Variants in PSG6 observed in about 807,000 individuals in gnomAD.
The protein encoded by PSG6 is pregnancy-specific beta-1-glycoprotein 6.
In PSG6, 51 loss-of-function variants were observed where a neutral mutation model predicts 43.3. The observed-to-expected ratio is 1.18, with a 90% CI of 0.94 to 1.49. The LOEUF is 1.49. Ranked by LOEUF, PSG6 falls within the 40% of genes most tolerant of loss-of-function variation. The probability of loss-of-function intolerance (pLI) is 0.00; values close to 1 mark genes in which losing one functional copy is unlikely to be tolerated. For synonymous variants in PSG6, 292 were observed against 197.6 expected, an observed-to-expected ratio of 1.48 and a Z score of -4.01; for missense variants, 770 against 522.2, an observed-to-expected ratio of 1.47 and a Z score of -4.62.
intron 2 of PSG6, among the ~76,000 whole-genome samples, chr19:42,912,789 C>G (rs183290458): frequency 6.6e-6 from 1 of 151,572 alleles, no homozygotes; most frequent in Non-Finnish European, 1.5e-5. Flanking sequence ...TCTCCCCACA[C>G]GAAGAACTCC....
intron 1 of PSG6, among the ~76,000 whole-genome samples, chr19:42,917,144 T>C (rs1209811465): frequency 1.3e-5 from 2 of 151,294 alleles, no homozygotes; most frequent in African/African-American, 4.9e-5. Context: ...ACATTTTTAT[T>C]TGAGGTGTCA....
chr19:42,915,716 T>G, intron 2 of PSG6: 5 of 267,104 alleles, frequency 1.9e-5, no homozygotes, highest in Non-Finnish European at 3.5e-5. Context: ...GGAGCAAGGA[T>G]TTAGGGACAG....
intron 5 of PSG6, chr19:42,903,551 G>A: frequency 1.5e-6 from 2 of 1,358,706 alleles, no homozygotes; most frequent in Non-Finnish European, 1.9e-6. Flanking sequence ...CCATTAACTA[G>A]ATTGGCTAAG....
intron 4 of PSG6, 129 bp downstream of exon 4, chr19:42,907,447 C>T: frequency 2.0e-6 from 3 of 1,528,340 alleles, no homozygotes; most frequent in Non-Finnish European, 2.6e-6. Flanking sequence ...GGCAGGGAGT[C>T]ATGGCCAGGT....
Position 42,910,935 on chromosome 19 carries a change from G to A in PSG6, c.428-77C>T, listed in dbSNP as rs1261576764. 8.5e-6 allele frequency: 13 copies of A among 1,533,384 alleles called. 1 individual carries two copies. The highest frequency in any genetic ancestry group is 2.3e-5 in the East Asian group (1 of 44,188). 95.0% of individuals were successfully genotyped at this position (1,533,384 alleles called of 1,614,324 possible). ...CAAAGGCATTTTTCAATCAGAGTTG[G>A]CATTTCCAACCTCTCAGCCCACCCA... On this transcript the variant is annotated intron_variant, in intron 2 of 5. Coordinates refer to ENST00000187910, the MANE Select transcript of PSG6 (RefSeq NM_001031850.4).
chr19:42,907,937 C>A (rs1972150479), intron 3 of PSG6, 83 bp from the exon 4 acceptor site: 2 of 1,552,356 alleles, frequency 1.3e-6, no homozygotes. Flanking sequence ...GCATCTCCCA[C>A]CTGTCAACCC....
chr19:42,915,466 C>T (rs113965366), intron 2 of PSG6: 4,395 of 153,600 alleles, frequency 0.029, 278 homozygotes, highest in African/African-American at 0.1. Context: ...TATGGAGTGT[C>T]CTAGGCCTCC....
chr19:42,907,272 C>G, intron 4 of PSG6, 96 bp from the exon 5 acceptor site: 1 of 1,528,640 alleles, frequency 6.5e-7, no homozygotes, highest in Non-Finnish European at 8.8e-7. Context: ...TGAACCAAGA[C>G]ACAACCTCAA....
chr19:42,910,451 C>G (rs1438111024), intron 3 of PSG6, 129 bp downstream of exon 3: 4 of 1,607,590 alleles, frequency 2.5e-6, no homozygotes, highest in Non-Finnish European at 3.4e-6. Flanking sequence ...AGCAGAAAGT[C>G]ATGGCCAGCT....
At position 42,916,850 on chromosome 19, in the gene PSG6, C is replaced by G. The variant is rs1259185075; in HGVS notation, c.65-363G>C. On this transcript the variant is annotated intron_variant, in intron 1 of 5. Coordinates refer to ENST00000187910, the MANE Select transcript of PSG6 (RefSeq NM_001031850.4). ...CTTTCCTGATGCCTGCTTCAGAGAC[C>G]CTGGGTCTTCCCTTTCTGACCTTTC... Among the ~76,000 whole-genome samples the G allele has an allele frequency of 1.3e-5, 2 of 151,444 alleles. 1 individual carries two copies. The highest frequency in any genetic ancestry group is 2.9e-5 in the Non-Finnish European group (2 of 67,846).
At chr19:42,909,053 T>C (rs568026316) in intron 3 of PSG6, among the ~76,000 whole-genome samples, 16 of 151,876 alleles carry the variant, frequency 1.1e-4, no homozygotes, top group African/African-American at 3.4e-4. Flanking sequence ...GGATTTCTGA[T>C]ATTTTTTGAT....
intron 5 of PSG6, among the ~76,000 whole-genome samples, chr19:42,906,244 A>G (rs1300333460): frequency 1.3e-5 from 2 of 151,546 alleles, no homozygotes; most frequent in Non-Finnish European, 2.9e-5. Context: ...CAGAGCCAGG[A>G]TGCAGCTCAG....
rs1204496330 is a variant in PSG6, at chr19:42,917,731, G to T, written c.62C>A (p.Thr21Lys). Residue 21 changes from threonine to lysine, a missense_variant and splice_region_variant, in exon 1 of 6, where the codon ACA becomes AAA. Thr to Lys is a moderately conservative substitution (Grantham distance 78). Transcript: ENST00000187910. ...CTCCCAGGAAGTCCTCTCCTCACCTGTGAGCAGGAGCCCCTTCCAGGTGAT... is the reference window on the plus strand; with the variant it reads ...CTCCCAGGAAGTCCTCTCCTCACCTTTGAGCAGGAGCCCCTTCCAGGTGAT... The part of the protein sequence containing the change: ...QHITWKGLLL[T>K]ASLLNFWNLP... 6.2e-7 allele frequency: 1 copy of T among 1,609,770 alleles called. No homozygotes were observed. The highest frequency in any genetic ancestry group is 8.5e-7 in the Non-Finnish European group (1 of 1,177,616).
At chr19:42,915,783 C>T in intron 2 of PSG6, 1 of 445,404 alleles carries the variant, frequency 2.2e-6, no homozygotes, top group Non-Finnish European at 3.9e-6. Flanking sequence ...TCAGTGGGCC[C>T]CTCAGGCCAA....
intron 3 of PSG6, chr19:42,909,561 C>A (rs1338928024): frequency 6.6e-6 from 1 of 151,598 alleles, no homozygotes; most frequent in African/African-American, 2.4e-5. Context: ...AATGTGTTTC[C>A]ATATATTGAT....
rs541602604 is a variant in PSG6, at chr19:42,906,840, C to A, written c.1240+82G>T. 3.6e-5 allele frequency: 58 copies of A among 1,608,974 alleles called. 2 individuals carry two copies. Among genetic ancestry groups the A allele is most frequent in the East Asian group, 2.9e-4 (13 of 44,706 alleles). ...GCCCATGGGACACAGTCTGGGAATA[C>A]AAATGTTTTCCTGACTCTTCTCTGA... On this transcript the variant is annotated intron_variant, in intron 5 of 5. Transcript: ENST00000187910.
chr19:42,916,333 C>T lies in PSG6; in HGVS notation c.219G>A (p.Thr73=), dbSNP rs144793616. Residue 73 remains threonine (T), a synonymous_variant, in exon 2 of 6, where the codon ACG becomes ACA. Transcript: ENST00000187910. ...TGYIWYKGQM[T]DLYHYITSYV... ...ATGATGTAATGTAATGGTAGAGGTC[C>T]GTCATTTGCCCTTTGTACCAGATGT... 160 of 1,612,018 alleles carry T rather than the reference C, an allele frequency of 9.9e-5. 2 individuals are homozygous for T. In the African/African-American group the frequency reaches 1.3e-3, roughly 13 times the overall value.
intron 5 of PSG6, chr19:42,906,507 GA>G: frequency 1.6e-6 from 2 of 1,241,586 alleles, no homozygotes; most frequent in Non-Finnish European, 1.0e-6. Context: ...TCATTTGGGG[GA>G]AAAGTGTGAG....
intron 2 of PSG6, chr19:42,915,924 C>A: frequency 1.3e-6 from 1 of 790,854 alleles, no homozygotes; most frequent in Non-Finnish European, 1.9e-6. Flanking sequence ...CGAGTGTCTG[C>A]AGGGTCTGGA....
Sources: allele counts gnomAD v4.1 joint callset (sites outside exome capture counted in the v4.1 genomes callset), GRCh38; gene constraint gnomAD v4.1.1; transcripts MANE v1.5; gene names NCBI Gene and HGNC (gene_info 2026-07-23, HGNC 2026-07-21).